The following MEGF10 variants were observed in gnomAD, a reference collection of about 807,000 sequenced individuals.
The protein encoded by MEGF10 is multiple epidermal growth factor-like domains protein 10.
Under a neutral mutation model 147.5 loss-of-function variants are expected in MEGF10, and 86 were observed. That is an observed-to-expected ratio of 0.58 (90% CI 0.49 to 0.70). The LOEUF is 0.70. Ranked by LOEUF, MEGF10 falls within the 30% of genes least tolerant of loss-of-function variation. The pLI, the probability that MEGF10 is intolerant of heterozygous loss-of-function variation, is 0.00. For missense variants in MEGF10, 1,329 were observed against 1,487.3 expected (o/e 0.89, Z 1.75); for synonymous variants, 478 against 525.5 (o/e 0.91, Z 1.24).
rs1003013486 is a variant in MEGF10 at position 127,294,436 on chromosome 5, A to G, written c.-19+3380A>G. On this transcript the variant is annotated intron_variant, in intron 1 of 24. Transcript: ENST00000503335. The stretch of plus-strand genomic sequence containing the variant: ...CAAAGTGGTTGGGACAGTATTGTAT[A>G]CATATGGAGGGTGTGGAAAAGCCAG... Among the ~76,000 whole-genome samples the G allele has an allele frequency of 2.0e-5, 3 of 152,194 alleles. No homozygotes were observed. In the East Asian group the frequency reaches 5.8e-4, roughly 29 times the overall value.
chr5:127,358,279 C>A (rs1454726764), intron 4 of MEGF10, among the ~76,000 whole-genome samples: 2 of 152,070 alleles, frequency 1.3e-5, no homozygotes, highest in Non-Finnish European at 2.9e-5. Flanking sequence ...CAGGGACCAC[C>A]ACTAAGGAGG....
At chr5:127,353,379 C>T (rs1762157690) in intron 4 of MEGF10, among the ~76,000 whole-genome samples, 1 of 152,220 alleles carries the variant, frequency 6.6e-6, no homozygotes, top group African/African-American at 2.4e-5. Flanking sequence ...ATGTTGGGGA[C>T]TGCTTATAGA....
chr5:127,427,410 T>C (rs1765238090), intron 13 of MEGF10, among the ~76,000 whole-genome samples: 1 of 151,638 alleles, frequency 6.6e-6, no homozygotes, highest in South Asian at 2.1e-4. Flanking sequence ...ACTCTAGGGG[T>C]CTTGAGAAAG....
chr5:127,352,282 T>C (rs1342898193), intron 4 of MEGF10, among the ~76,000 whole-genome samples: 1 of 152,206 alleles, frequency 6.6e-6, no homozygotes, highest in African/African-American at 2.4e-5. Context: ...CTAGGTATTA[T>C]TATTGCTTTC....
intron 1 of MEGF10, among the ~76,000 whole-genome samples, chr5:127,314,484 G>T (rs935096696): frequency 1.3e-5 from 2 of 152,096 alleles, no homozygotes; most frequent in African/African-American, 4.8e-5. Context: ...GTGGAGAGTT[G>T]GTTCCGTTAG....
chr5:127,415,129 C>A (rs1187354164), intron 9 of MEGF10, among the ~76,000 whole-genome samples: 1 of 151,804 alleles, frequency 6.6e-6, no homozygotes, highest in East Asian at 1.9e-4. Context: ...TCAAGCATAG[C>A]AATAAAGAGA....
At chr5:127,343,776 C>T (rs562390786) in intron 4 of MEGF10, among the ~76,000 whole-genome samples, 15 of 151,916 alleles carry the variant, frequency 9.9e-5, no homozygotes, top group South Asian at 6.3e-4. Flanking sequence ...CATAGGGAGA[C>T]CCCGTCTCTT....
chr5:127,411,813 A>G (rs1200461038), intron 9 of MEGF10, among the ~76,000 whole-genome samples: 1 of 152,246 alleles, frequency 6.6e-6, no homozygotes, highest in Non-Finnish European at 1.5e-5. Flanking sequence ...GGGACAAGTC[A>G]TGAATTTGGG....
intron 1 of MEGF10, among the ~76,000 whole-genome samples, chr5:127,304,943 C>A (rs945016523): frequency 6.6e-6 from 1 of 152,246 alleles, no homozygotes; most frequent in Non-Finnish European, 1.5e-5. Context: ...TAAATTTCTA[C>A]TGGCTAAGCC....
At position 127,306,319 on chromosome 5, in the gene MEGF10, C is replaced by T. The variant is rs1760010455; in HGVS notation, c.-19+15263C>T. On this transcript the variant is annotated intron_variant, in intron 1 of 24. Coordinates refer to ENST00000503335, the MANE Select transcript of MEGF10 (RefSeq NM_001256545.2). ...CTGCTGAGAAGGATGGCAACCAAGTCCTGACAGGCAGATTTTCAGAACAAA... is the reference window on the plus strand; with the variant it reads ...CTGCTGAGAAGGATGGCAACCAAGTTCTGACAGGCAGATTTTCAGAACAAA... 3.9e-5 allele frequency among the ~76,000 whole-genome samples: 6 copies of T among 152,202 alleles called. No homozygotes were observed. The South Asian group carries it at 1.0e-3, about 26-fold the overall frequency.
At chr5:127,296,750 C>G (rs1246977266) in intron 1 of MEGF10, among the ~76,000 whole-genome samples, 4 of 152,144 alleles carry the variant, frequency 2.6e-5, no homozygotes, top group African/African-American at 9.7e-5. Flanking sequence ...TTAACTTGTT[C>G]CTCACAGAGT....
At chr5:127,243,707 T>G in the MEGF10 span, among the ~76,000 whole-genome samples, 2 of 152,240 alleles carry the variant, frequency 1.3e-5, no homozygotes, top group Non-Finnish European at 2.9e-5. Flanking sequence ...TTTACCTATA[T>G]CGATGAAGCT....
the MEGF10 span, among the ~76,000 whole-genome samples, chr5:127,284,454 G>T: frequency 6.6e-6 from 1 of 151,884 alleles, no homozygotes; most frequent in Non-Finnish European, 1.5e-5. Flanking sequence ...GAGATTTGAG[G>T]AACCACAGTA....
the MEGF10 span, among the ~76,000 whole-genome samples, chr5:127,275,511 C>G: frequency 6.6e-6 from 1 of 152,130 alleles, no homozygotes; most frequent in Non-Finnish European, 1.5e-5. Flanking sequence ...ATTTAGGAGG[C>G]CCATGCTATG....
intron 5 of MEGF10, among the ~76,000 whole-genome samples, chr5:127,377,949 G>C (rs1412174383): frequency 6.6e-6 from 1 of 152,122 alleles, no homozygotes; most frequent in Non-Finnish European, 1.5e-5. Flanking sequence ...GGAAGGATTG[G>C]GTTCTGAACA....
At chr5:127,299,239 A>G (rs1334450046) in intron 1 of MEGF10, among the ~76,000 whole-genome samples, 4 of 152,232 alleles carry the variant, frequency 2.6e-5, no homozygotes, top group Non-Finnish European at 4.4e-5. Context: ...ATCAAGGTCT[A>G]TGACTTCAGA....
intron 19 of MEGF10, among the ~76,000 whole-genome samples, chr5:127,444,994 T>G (rs1475220061): frequency 6.6e-6 from 1 of 152,206 alleles, no homozygotes; most frequent in South Asian, 2.1e-4. Flanking sequence ...ATTAGATAAA[T>G]TGTTACCCCA....
intron 2 of MEGF10, among the ~76,000 whole-genome samples, chr5:127,334,615 A>G (rs1221924627): frequency 1.3e-5 from 2 of 152,178 alleles, no homozygotes; most frequent in Admixed American, 6.5e-5. Flanking sequence ...AAAATACTCA[A>G]GGGGTGTTTA....
At chr5:127,242,031 C>A in the MEGF10 span, among the ~76,000 whole-genome samples, 1 of 151,960 alleles carries the variant, frequency 6.6e-6, no homozygotes, top group Non-Finnish European at 1.5e-5. Context: ...ATTACATGAC[C>A]CCAAAAGGTT....
Sources: allele counts gnomAD v4.1 joint callset (sites outside exome capture counted in the v4.1 genomes callset), GRCh38; gene constraint gnomAD v4.1.1; transcripts MANE v1.5; gene names NCBI Gene and HGNC (gene_info 2026-07-23, HGNC 2026-07-21).